The following MAPKAPK3 variants were observed in gnomAD, a reference collection of about 807,000 sequenced individuals.
MAPKAPK3 encodes MAP kinase-activated protein kinase 3.
In MAPKAPK3, 35 loss-of-function variants were observed where a neutral mutation model predicts 49.2. The observed-to-expected ratio is 0.71, with a 90% CI of 0.54 to 0.94. The LOEUF (loss-of-function observed/expected upper bound fraction) is 0.94, where lower values mean the gene tolerates loss of function less well. MAPKAPK3 is among the 40% of genes least tolerant of loss of function. The probability of loss-of-function intolerance (pLI) is 0.00; values close to 1 mark genes in which losing one functional copy is unlikely to be tolerated. For missense variants in MAPKAPK3, 398 were observed against 493.1 expected, an observed-to-expected ratio of 0.81 and a Z score of 1.83; for synonymous variants, 178 against 188.7, an observed-to-expected ratio of 0.94 and a Z score of 0.46.
chr3:50,642,321 C>G lies in MAPKAPK3; in HGVS notation c.493C>G (p.Arg165Gly). Residue 165 changes from arginine to glycine, a missense_variant, in exon 5 of 11, where the codon CGA becomes GGA. Arg to Gly is a moderately radical substitution (Grantham distance 125, BLOSUM62 -2). This residue lies in a region of MAPKAPK3 where 41 missense variants were observed against 35.8 expected (regional missense o/e 1.15). Coordinates refer to ENST00000621469, the MANE Select transcript of MAPKAPK3 (RefSeq NM_001243925.2). ...QFLHSHNIAH[R>G]DVKPENLLYT... ...TCTGCACAGCCATAACATTGCCCAC[C>G]GAGATGTCAAGGTGAGGCTCCAGGA... 6.2e-7 allele frequency: 1 copy of G among 1,612,398 alleles called. No homozygotes were observed. The highest frequency in any genetic ancestry group is 8.5e-7 in the Non-Finnish European group (1 of 1,179,690).
Position 50,617,595 on chromosome 3 carries a change from G to C in MAPKAPK3, c.30G>C (p.Gly10=), listed in dbSNP as rs752802256. 6.9e-6 allele frequency: 11 copies of C among 1,593,330 alleles called. No homozygotes were observed. In the South Asian group the frequency reaches 1.2e-4, roughly 18 times the overall value. Residue 10 remains glycine (G), a synonymous_variant, in exon 2 of 11, where the codon GGG becomes GGC. Transcript: ENST00000621469. Reference sequence around the variant, plus strand: ...ATGGTGAAACAGCAGAGGAGCAGGGGGGCCCTGTGCCCCCGCCAGTTGCAC... The same window carrying C: ...ATGGTGAAACAGCAGAGGAGCAGGGCGGCCCTGTGCCCCCGCCAGTTGCAC... The part of the protein sequence containing the change: MDGETAEEQ[G]GPVPPPVAPG...
Position 50,617,625 on chromosome 3 carries a change from C to A in MAPKAPK3, c.60C>A (p.Gly20=). The change falls in exon 2 of 11, where the codon GGC becomes GGA. Residue 20 remains glycine, a synonymous_variant. Transcript: ENST00000621469. Reference sequence around the variant, plus strand: ...CTGTGCCCCCGCCAGTTGCACCCGGCGGACCCGGCTTGGGCGGTGCTCCGG... The same window carrying A: ...CTGTGCCCCCGCCAGTTGCACCCGGAGGACCCGGCTTGGGCGGTGCTCCGG... ...GGPVPPPVAP[G]GPGLGGAPGG... 1.2e-6 allele frequency: 2 copies of A among 1,606,622 alleles called. No homozygotes were observed. Among genetic ancestry groups the A allele is most frequent in the Non-Finnish European group, 8.5e-7 (1 of 1,174,648 alleles).
chr3:50,631,961 C>T (rs1372055930), intron 2 of MAPKAPK3, among the ~76,000 whole-genome samples: 1 of 152,230 alleles, frequency 6.6e-6, no homozygotes, highest in Non-Finnish European at 1.5e-5. Context: ...ATGCTGGTCC[C>T]TGCTGCTCCT....
At position 50,640,373 on chromosome 3, in the gene MAPKAPK3, A is replaced by T. The variant is rs141282634; in HGVS notation, c.227A>T (p.Tyr76Phe). The change falls in exon 3 of 11, where the codon TAT becomes TTT. Residue 76 changes from tyrosine (Y) to phenylalanine (F), a missense_variant. Tyr to Phe is a conservative substitution (Grantham distance 22, BLOSUM62 3). Coordinates refer to ENST00000621469, the MANE Select transcript of MAPKAPK3 (RefSeq NM_001243925.2). ...ATGTGCACCCACCTACAGCTCCTGT[A>T]TGACAGCCCCAAGGCCCGGCAGGAG... ...TGQKCALKLL[Y>F]DSPKARQEVD... 6.2e-7 allele frequency: 1 copy of T among 1,613,710 alleles called. No homozygotes were observed. The highest frequency in any genetic ancestry group is 1.7e-5 in the Admixed American group (1 of 59,962).
At chr3:50,632,034 G>A (rs1398523551) in intron 2 of MAPKAPK3, among the ~76,000 whole-genome samples, 1 of 152,232 alleles carries the variant, frequency 6.6e-6, no homozygotes, top group Non-Finnish European at 1.5e-5. Context: ...GTCTGGTGAT[G>A]TTACCTCAGC....
In MAPKAPK3 at chr3:50,647,387, A is replaced by G. The variant is rs1269060772; in HGVS notation, c.996+184A>G. 2.0e-5 allele frequency among the ~76,000 whole-genome samples: 3 copies of G among 152,206 alleles called. No individual in the cohort carries two copies. In the East Asian group the frequency reaches 5.8e-4, roughly 29 times the overall value. On this transcript the variant is annotated intron_variant, in intron 10 of 10. Coordinates refer to ENST00000621469, the MANE Select transcript of MAPKAPK3 (RefSeq NM_001243925.2). ...AGGATTGGGCCTCACTACGCCATTC[A>G]GTGTGGTGCTCCTGGCTCACTTCCT...
At chr3:50,612,010 C>T (rs969670164) in exon 1 of MAPKAPK3, 3 of 289,776 alleles carry the variant, frequency 1.0e-5, no homozygotes, top group Non-Finnish European at 1.9e-5. Flanking sequence ...AAGAACTTTC[C>T]AGGAAAACGG....
chr3:50,643,221 G>A (rs2033216385), intron 5 of MAPKAPK3, among the ~76,000 whole-genome samples: 1 of 152,204 alleles, frequency 6.6e-6, no homozygotes. Flanking sequence ...AGCATTTTAA[G>A]GGAAAGAAGC....
In MAPKAPK3 at chr3:50,647,901, T is replaced by C. The variant is rs1166410053; in HGVS notation, c.1004T>C (p.Met335Thr). Reference sequence around the variant, plus strand: ...CATCCTGTCTGTCCCCAGGAGGAGATGACCAGTGCCTTGGCCACTATGCGG... The same window carrying C: ...CATCCTGTCTGTCCCCAGGAGGAGACGACCAGTGCCTTGGCCACTATGCGG... ...KDHWDEVKEE[M>T]TSALATMRVD... The change falls in exon 11 of 11, where the codon ATG becomes ACG. Residue 335 changes from methionine (M) to threonine (T), a missense_variant. By Grantham distance (81) the Met-to-Thr change is moderately conservative (BLOSUM62 -1). Transcript: ENST00000621469. 1.9e-6 allele frequency: 3 copies of C among 1,612,814 alleles called. No individual in the cohort carries two copies. The highest frequency in any genetic ancestry group is 1.7e-6 in the Non-Finnish European group (2 of 1,179,480).
chr3:50,628,357 AT>A (rs1559485066), intron 2 of MAPKAPK3, among the ~76,000 whole-genome samples: 2 of 152,018 alleles, frequency 1.3e-5, no homozygotes. Context: ...CACATATTTC[AT>A]TGCTGCTGTG....
In MAPKAPK3 at chr3:50,648,099, T is replaced by C. The variant is rs1384888532; in HGVS notation, c.*53T>C. Reference sequence around the variant, plus strand: ...TCTCAGCCTGCATAACAGACTGAAATGTGCTCAGGCCCTGGCCAGGAGGGC... The same window carrying C: ...TCTCAGCCTGCATAACAGACTGAAACGTGCTCAGGCCCTGGCCAGGAGGGC... On this transcript the variant is annotated 3_prime_UTR_variant, in exon 11 of 11. Transcript: ENST00000621469. 6.4e-7 allele frequency: 1 copy of C among 1,559,346 alleles called. No individual in the cohort carries two copies. The highest frequency in any genetic ancestry group is 8.7e-7 in the Non-Finnish European group (1 of 1,150,556).
chr3:50,617,675 A>G lies in MAPKAPK3; in HGVS notation c.110A>G (p.Tyr37Cys). ...GGGGGGCGGCGGGAGCCCAAGAAGT[A>G]CGCAGTGACCGACGACTACCAGTTG... ...APGGRREPKK[Y>C]AVTDDYQLSK... is the part of the protein sequence containing the mutation. The change falls in exon 2 of 11, where the codon TAC becomes TGC. Residue 37 changes from tyrosine (Y) to cysteine (C), a missense_variant. By Grantham distance (194) the Tyr-to-Cys change is radical (BLOSUM62 -2). This residue lies in a region of MAPKAPK3 where 123 missense variants were observed against 117.7 expected (regional missense o/e 1.04). Transcript: ENST00000621469. 1 of 1,612,968 alleles carries G rather than the reference A, an allele frequency of 6.2e-7. No homozygotes were observed. The highest frequency in any genetic ancestry group is 8.5e-7 in the Non-Finnish European group (1 of 1,179,540).
In MAPKAPK3 at chr3:50,644,437, A is replaced by G. The variant is rs2033242593; in HGVS notation, c.533A>G (p.Glu178Gly). Residue 178 changes from glutamate (E) to glycine (G), a missense_variant, in exon 6 of 11, where the codon GAG (glutamate) becomes GGG (glycine). This residue lies in a region of MAPKAPK3 where 41 missense variants were observed against 35.8 expected (regional missense o/e 1.15). Transcript: ENST00000621469. ...KPENLLYTSK[E>G]KDAVLKLTDF... The stretch of plus-strand genomic sequence containing the variant: ...GAAAACCTACTCTACACATCTAAGG[A>G]GAAAGACGCAGTGCTTAAGCTCACC... 6.2e-7 allele frequency: 1 copy of G among 1,614,190 alleles called. No homozygotes were observed. Among genetic ancestry groups the G allele is most frequent in the African/African-American group, 1.3e-5 (1 of 75,046 alleles).
rs1559488925 is a variant in MAPKAPK3 at position 50,640,505 on chromosome 3, G to A, written c.359G>A (p.Cys120Tyr). The change falls in exon 3 of 11, where the codon TGC becomes TAC. Residue 120 changes from cysteine (C) to tyrosine (Y), a missense_variant and splice_region_variant. Around this residue, in one of 5 missense-constraint regions of MAPKAPK3, gnomAD observed 52 missense variants for 91.9 expected, o/e 0.57. Coordinates refer to ENST00000621469, the MANE Select transcript of MAPKAPK3 (RefSeq NM_001243925.2). ...GKRCLLIIME[C>Y]MEGGELFSRI... ...CGCTGTCTCCTCATCATCATGGAATGGTATGCTGGCCTGCCCTGTCTCCAC... is the reference window on the plus strand; with the variant it reads ...CGCTGTCTCCTCATCATCATGGAATAGTATGCTGGCCTGCCCTGTCTCCAC... 3 of 1,608,930 alleles carry A rather than the reference G, an allele frequency of 1.9e-6. No homozygotes were observed. Among genetic ancestry groups the A allele is most frequent in the Non-Finnish European group, 2.6e-6 (3 of 1,176,174 alleles).
intron 2 of MAPKAPK3, among the ~76,000 whole-genome samples, chr3:50,621,597 C>CAAAA (rs57325539): frequency 4.8e-5 from 2 of 41,762 alleles, no homozygotes; most frequent in Admixed American, 2.5e-4. Flanking sequence ...GGCTGTGTCT[C>CAAAA]AAAAAAAAAA....
At chr3:50,626,998 G>A (rs1410197826) in intron 2 of MAPKAPK3, among the ~76,000 whole-genome samples, 1 of 152,094 alleles carries the variant, frequency 6.6e-6, no homozygotes, top group Non-Finnish European at 1.5e-5. Context: ...TTCGAGATCA[G>A]CGTGGTGAAA....
At chr3:50,636,812 C>G (rs2107591988) in intron 2 of MAPKAPK3, among the ~76,000 whole-genome samples, 1 of 152,202 alleles carries the variant, frequency 6.6e-6, no homozygotes, top group South Asian at 2.1e-4. Context: ...AGGGTCAACT[C>G]AAGGGGTCAG....
At chr3:50,644,671 G>A in intron 6 of MAPKAPK3, 139 bp downstream of exon 6, 1 of 853,812 alleles carries the variant, frequency 1.2e-6, no homozygotes. Context: ...CATGGAGGCG[G>A]GTGACGTGGG....
At chr3:50,642,386 C>A in intron 5 of MAPKAPK3, 54 bp downstream of exon 5, 2 of 1,334,608 alleles carry the variant, frequency 1.5e-6, no homozygotes, top group African/African-American at 1.4e-5. Context: ...TTGTCCCACT[C>A]CACAATCCCT....
Sources: allele counts gnomAD v4.1 joint callset (sites outside exome capture counted in the v4.1 genomes callset), GRCh38; gene constraint gnomAD v4.1.1; regional missense constraint gnomAD v4.1.1; transcripts MANE v1.5; gene names NCBI Gene and HGNC (gene_info 2026-07-23, HGNC 2026-07-21).